GLIS3: variants seen among roughly 807,000 people sequenced by gnomAD.
GLIS3 encodes the protein zinc finger protein GLIS3.
GLIS3 carries 53 observed loss-of-function variants against 78.6 expected under a neutral mutation model. The ratio of observed to expected loss-of-function variants is 0.67; its 90% CI spans 0.54 to 0.85. The LOEUF (loss-of-function observed/expected upper bound fraction) is 0.85, where lower values mean the gene tolerates loss of function less well. GLIS3 is among the 40% of genes least tolerant of loss of function. The pLI, the probability that GLIS3 is intolerant of heterozygous loss-of-function variation, is 0.00. For synonymous variants in GLIS3, 684 were observed against 509.9 expected, an observed-to-expected ratio of 1.34 and a Z score of -4.60; for missense variants, 1,703 against 1,231.1, an observed-to-expected ratio of 1.38 and a Z score of -5.74.
At chr9:4,057,029 T>C (rs1292404580) in intron 4 of GLIS3, among the ~76,000 whole-genome samples, 2 of 150,964 alleles carry the variant, frequency 1.3e-5, no homozygotes, top group Non-Finnish European at 2.9e-5. Context: ...TGGCCTTACA[T>C]ACTGGCCATG....
chr9:4,196,097 G>C (rs750860511), intron 2 of GLIS3, among the ~76,000 whole-genome samples: 3 of 152,036 alleles, frequency 2.0e-5, no homozygotes, highest in Non-Finnish European at 4.4e-5. Context: ...CTAGCTCAAG[G>C]TTTGTAAATG....
At chr9:4,126,435 T>A (rs190539049) in intron 2 of GLIS3, among the ~76,000 whole-genome samples, 2 of 152,094 alleles carry the variant, frequency 1.3e-5, no homozygotes, top group Non-Finnish European at 2.9e-5. Flanking sequence ...CTACTCTTGA[T>A]TTTTTTTCTC....
the GLIS3 span, among the ~76,000 whole-genome samples, chr9:4,390,549 A>G: frequency 2.0e-5 from 3 of 152,136 alleles, no homozygotes; most frequent in Non-Finnish European, 4.4e-5. Flanking sequence ...TAAACTTCAT[A>G]AACTGCAAGT....
At chr9:4,343,537 A>G (rs1182519461) in intron 2 of GLIS3, among the ~76,000 whole-genome samples, 2 of 152,242 alleles carry the variant, frequency 1.3e-5, no homozygotes, top group African/African-American at 4.8e-5. Context: ...CTGAACTACC[A>G]TTCAACCCAG....
chr9:4,113,233 C>T (rs890707715), intron 4 of GLIS3, among the ~76,000 whole-genome samples: 2 of 151,930 alleles, frequency 1.3e-5, no homozygotes, highest in African/African-American at 2.4e-5. Flanking sequence ...GAATAAGCCA[C>T]GGTTTATTGA....
chr9:4,487,039 G>A, the GLIS3 span, among the ~76,000 whole-genome samples: 1 of 152,204 alleles, frequency 6.6e-6, no homozygotes, highest in African/African-American at 2.4e-5. Flanking sequence ...AGAAGGCAAA[G>A]AAGACCATTG....
chr9:4,324,814 G>T (rs1023163133), intron 2 of GLIS3, among the ~76,000 whole-genome samples: 1 of 152,106 alleles, frequency 6.6e-6, no homozygotes, highest in African/African-American at 2.4e-5. Context: ...CTTGTTTCAA[G>T]TTTCCAAAAA....
chr9:4,234,751 A>G (rs1240736429), intron 2 of GLIS3, among the ~76,000 whole-genome samples: 1 of 152,240 alleles, frequency 6.6e-6, no homozygotes, highest in Non-Finnish European at 1.5e-5. Flanking sequence ...AATAAACTGA[A>G]GCAAAATAAA....
rs1824529982 is a variant in GLIS3 at position 4,252,868 on chromosome 9, C to T, written c.388+33170G>A. On this transcript the variant is annotated intron_variant, in intron 2 of 10. Coordinates refer to ENST00000381971, the MANE Select transcript of GLIS3 (RefSeq NM_001042413.2). Reference sequence around the variant, plus strand: ...TAGTTTTCCTTCTAACAGTCAGGCCCCTCTGCTGCAGGTCTGCTGGAGTTT... The same window carrying T: ...TAGTTTTCCTTCTAACAGTCAGGCCTCTCTGCTGCAGGTCTGCTGGAGTTT... Among the ~76,000 whole-genome samples, 3 of 152,192 alleles carry T rather than the reference C, an allele frequency of 2.0e-5. No individual in the cohort carries two copies. In the South Asian group the frequency reaches 6.2e-4, roughly 32 times the overall value.
At chr9:4,084,774 C>T (rs998735380) in intron 4 of GLIS3, among the ~76,000 whole-genome samples, 19 of 152,074 alleles carry the variant, frequency 1.2e-4, no homozygotes, top group African/African-American at 3.9e-4. Flanking sequence ...GCTTCCTCCT[C>T]GTGTGGACTG....
the GLIS3 span, among the ~76,000 whole-genome samples, chr9:4,434,175 C>G: frequency 2.0e-5 from 3 of 151,744 alleles, no homozygotes; most frequent in South Asian, 4.2e-4. Context: ...AGGCCAATGC[C>G]ACATTCTAAC....
the GLIS3 span, among the ~76,000 whole-genome samples, chr9:4,412,129 G>C: frequency 2.6e-5 from 4 of 152,256 alleles, no homozygotes; most frequent in East Asian, 7.7e-4. Context: ...CACCCAAATA[G>C]CCCAACAGCC....
At chr9:4,183,467 CTTAAA>C in intron 2 of GLIS3, among the ~76,000 whole-genome samples, 1 of 152,278 alleles carries the variant, frequency 6.6e-6, no homozygotes, top group East Asian at 1.9e-4. Context: ...CTTAATCTAG[CTTAAA>C]TTGCATAGTC....
At chr9:4,441,974 T>C in the GLIS3 span, among the ~76,000 whole-genome samples, 1 of 152,080 alleles carries the variant, frequency 6.6e-6, no homozygotes, top group African/African-American at 2.4e-5. Context: ...AGAGAAAGAG[T>C]AAGGAAAAAT....
intron 2 of GLIS3, among the ~76,000 whole-genome samples, chr9:4,274,319 T>C (rs890473874): frequency 1.3e-5 from 2 of 152,180 alleles, no homozygotes; most frequent in African/African-American, 4.8e-5. Flanking sequence ...AGCTTTTTCC[T>C]TTCTTCTTAG....
intron 2 of GLIS3, among the ~76,000 whole-genome samples, chr9:4,222,034 G>A (rs533936366): frequency 1.3e-4 from 20 of 152,182 alleles, no homozygotes; most frequent in Non-Finnish European, 2.8e-4. Context: ...CTCTTGAGTT[G>A]AAGTTTAGCC....
intron 2 of GLIS3, among the ~76,000 whole-genome samples, chr9:4,237,637 A>G (rs1242433889): frequency 1.3e-5 from 2 of 152,158 alleles, no homozygotes; most frequent in African/African-American, 2.4e-5. Context: ...AATTCCATAA[A>G]TGTACATTTA....
At chr9:4,231,420 C>T (rs1485557149) in intron 2 of GLIS3, among the ~76,000 whole-genome samples, 1 of 151,782 alleles carries the variant, frequency 6.6e-6, no homozygotes, top group Non-Finnish European at 1.5e-5. Context: ...TGGCCAGCTC[C>T]AATATATATC....
intron 2 of GLIS3, among the ~76,000 whole-genome samples, chr9:4,204,577 G>C (rs1819684782): frequency 6.6e-6 from 1 of 152,138 alleles, no homozygotes; most frequent in Non-Finnish European, 1.5e-5. Context: ...CAGGGAGGTT[G>C]AACACACCAA....
Sources: gnomAD v4.1 joint callset for allele counts (sites outside exome capture counted in the v4.1 genomes callset) on GRCh38, gnomAD v4.1.1 for gene constraint, MANE v1.5 for transcripts, NCBI Gene and HGNC (gene_info 2026-07-23, HGNC 2026-07-21) for gene names.